The following C11orf65 variants were observed in gnomAD, a reference collection of about 807,000 sequenced individuals.
C11orf65 encodes protein MFI.
C11orf65 carries 38 observed loss-of-function variants against 35.3 expected under a neutral mutation model. The ratio of observed to expected loss-of-function variants is 1.08; its 90% CI spans 0.83 to 1.41. The LOEUF (loss-of-function observed/expected upper bound fraction) is 1.41. Among genes scored for constraint, C11orf65 ranks in the 40% most tolerant of loss-of-function variants. The pLI, the probability that C11orf65 is intolerant of heterozygous loss-of-function variation, is 0.00. For missense variants in C11orf65, 370 were observed against 367.1 expected (o/e 1.01, Z -0.06); for synonymous variants, 105 against 114.4 (o/e 0.92, Z 0.53).
downstream of C11orf65, chr11:108,328,956 G>T: frequency 1.4e-6 from 2 of 1,465,178 alleles, no homozygotes; most frequent in South Asian, 2.4e-5. Flanking sequence ...ACCTTAATTT[G>T]AGTGATTCTT....
intron 3 of C11orf65, among the ~76,000 whole-genome samples, chr11:108,423,472 G>T (rs951230127): frequency 6.6e-6 from 1 of 152,168 alleles, no homozygotes; most frequent in African/African-American, 2.4e-5. Context: ...AGGGGTGGCT[G>T]TGGGTGTAGC....
chr11:108,336,015 G>T (rs2086812533), intron 2 of C11orf65: 1 of 1,408,992 alleles, frequency 7.1e-7, no homozygotes, highest in African/African-American at 1.4e-5. Flanking sequence ...GATGCCATTT[G>T]GTTGGGTGAA....
intron 2 of C11orf65, among the ~76,000 whole-genome samples, chr11:108,442,579 G>C (rs2093173743): frequency 6.6e-6 from 1 of 152,124 alleles, no homozygotes; most frequent in Non-Finnish European, 1.5e-5. Flanking sequence ...CAGAGAGAAA[G>C]GTCGGGTTAC....
chr11:108,321,331 C>T (rs2136239315), intron 6 of C11orf65: 1 of 1,614,168 alleles, frequency 6.2e-7, no homozygotes, highest in Non-Finnish European at 8.5e-7. Flanking sequence ...TGTGTAAGCG[C>T]AGCCTTGAGT....
At chr11:108,443,027 T>G (rs528501940) in intron 2 of C11orf65, among the ~76,000 whole-genome samples, 1 of 152,056 alleles carries the variant, frequency 6.6e-6, no homozygotes, top group Non-Finnish European at 1.5e-5. Flanking sequence ...GACTGGCAAA[T>G]TGGATAAAGA....
chr11:108,357,597 G>A (rs1425410787), intron 2 of C11orf65, among the ~76,000 whole-genome samples: 8 of 152,012 alleles, frequency 5.3e-5, no homozygotes, highest in African/African-American at 9.7e-5. Flanking sequence ...GCTGGAGATC[G>A]GACAACAGGC....
intron 2 of C11orf65, among the ~76,000 whole-genome samples, chr11:108,377,273 C>T (rs936278302): frequency 6.6e-5 from 10 of 152,040 alleles, no homozygotes; most frequent in Non-Finnish European, 1.3e-4. Context: ...ATCAAAAAGC[C>T]TATCCACCAT....
chr11:108,375,071 T>C (rs1350448040), intron 2 of C11orf65, among the ~76,000 whole-genome samples: 2 of 152,140 alleles, frequency 1.3e-5, no homozygotes, highest in Non-Finnish European at 2.9e-5. Context: ...CTGCAGGATA[T>C]TATCCAGGAG....
intron 2 of C11orf65, among the ~76,000 whole-genome samples, chr11:108,434,420 G>A (rs568985418): frequency 1.3e-5 from 2 of 151,650 alleles, no homozygotes; most frequent in Non-Finnish European, 1.5e-5. Context: ...CAGGAGAATC[G>A]CTTGAATCTG....
chr11:108,391,004 A>T (rs1392135743), intron 7 of C11orf65, among the ~76,000 whole-genome samples: 1 of 149,532 alleles, frequency 6.7e-6, no homozygotes, highest in Non-Finnish European at 1.5e-5. Flanking sequence ...CTTTGTCTTG[A>T]TCATTCTTCC....
chr11:108,357,364 G>C (rs1217500449), intron 2 of C11orf65, among the ~76,000 whole-genome samples: 1 of 152,248 alleles, frequency 6.6e-6, no homozygotes, highest in Non-Finnish European at 1.5e-5. Context: ...AGCGAGGCTG[G>C]GGGAGGGGCG....
chr11:108,311,245 G>T (rs1210495278), intron 6 of C11orf65, among the ~76,000 whole-genome samples: 1 of 152,118 alleles, frequency 6.6e-6, no homozygotes, highest in African/African-American at 2.4e-5. Context: ...AAAGTGCTGG[G>T]ATTACAAGCA....
intron 2 of C11orf65, among the ~76,000 whole-genome samples, chr11:108,459,290 T>C (rs759706942): frequency 1.3e-5 from 2 of 152,176 alleles, no homozygotes; most frequent in African/African-American, 2.4e-5. Context: ...TTTCTTTGTG[T>C]CTTTTTTGCC....
chr11:108,308,967 A>G, exon 7 of C11orf65: 1 of 1,502,100 alleles, frequency 6.7e-7, no homozygotes, highest in South Asian at 1.2e-5. Context: ...CATTCATTTC[A>G]GACTTACCAT....
chr11:108,463,398 A>C (rs1339075601), intron 1 of C11orf65, among the ~76,000 whole-genome samples: 2 of 152,246 alleles, frequency 1.3e-5, no homozygotes, highest in East Asian at 3.9e-4. Flanking sequence ...TAATTTGGTA[A>C]ATTGTTGTTT....
At position 108,433,059 on chromosome 11, in the gene C11orf65, T is replaced by C. The variant is rs182568471; in HGVS notation, c.82-1221A>G. 1.7e-3 allele frequency among the ~76,000 whole-genome samples: 262 copies of C among 152,136 alleles called. 1 individual carries two copies. The highest frequency in any genetic ancestry group is 2.7e-3 in the Non-Finnish European group (187 of 68,004). ...GTGATTTAATATGGCCTCACCCACA[T>C]ATCAGGGTCTTCAGCTGAAATTTTT... On this transcript the variant is annotated intron_variant, in intron 2 of 8. Transcript: ENST00000393084.
At chr11:108,469,326 C>T (rs1283958347), upstream of C11orf65, among the ~76,000 whole-genome samples, 1 of 151,422 alleles carries the variant, frequency 6.6e-6, no homozygotes, top group African/African-American at 2.4e-5. Context: ...TATTTTACCA[C>T]AATTTAAAAA....
intron 2 of C11orf65, among the ~76,000 whole-genome samples, chr11:108,342,673 TTATG>T (rs2087734539): frequency 6.6e-6 from 1 of 152,198 alleles, no homozygotes; most frequent in Admixed American, 6.5e-5. Flanking sequence ...TTTCTATACT[TTATG>T]TATGTTTATA....
chr11:108,401,373 C>T (rs923612290), intron 6 of C11orf65, among the ~76,000 whole-genome samples: 5 of 152,010 alleles, frequency 3.3e-5, no homozygotes, highest in Admixed American at 1.3e-4. Flanking sequence ...AAACCCAACT[C>T]CCCCTAAGAA....
Sources: gnomAD v4.1 joint callset for allele counts (sites outside exome capture counted in the v4.1 genomes callset) on GRCh38, gnomAD v4.1.1 for gene constraint, MANE v1.5 for transcripts, NCBI Gene and HGNC (gene_info 2026-07-23, HGNC 2026-07-21) for gene names.